PARVA: variants seen among roughly 807,000 people sequenced by gnomAD.
The protein encoded by PARVA is parvin alpha.
In PARVA, 25 loss-of-function variants were observed where a neutral mutation model predicts 52.6. That is an observed-to-expected ratio of 0.48 (90% CI 0.35 to 0.66). The LOEUF is 0.66. PARVA is among the 30% of genes least tolerant of loss of function. The probability of loss-of-function intolerance (pLI) is 0.01; values close to 1 mark genes in which losing one functional copy is unlikely to be tolerated. For missense variants in PARVA, 373 were observed against 450.9 expected (o/e 0.83, Z 1.56); for synonymous variants, 185 against 179.1 (o/e 1.03, Z -0.26).
rs538946411 is a variant in PARVA at position 12,423,518 on chromosome 11, A to G, written c.136+45735A>G. Among the ~76,000 whole-genome samples, 21 of 152,174 alleles carry G rather than the reference A, an allele frequency of 1.4e-4. No individual in the cohort carries two copies. In the South Asian group the frequency reaches 4.4e-3, roughly 32 times the overall value. ...TCACCTACCTCAGTCTTATAATACT[A>G]TTTAGTTTTTTAATCATGAATTTCT... On this transcript the variant is annotated intron_variant, in intron 1 of 12. Coordinates refer to ENST00000334956, the MANE Select transcript of PARVA (RefSeq NM_018222.5).
At chr11:12,509,111 T>C (rs1052559140) in intron 7 of PARVA, among the ~76,000 whole-genome samples, 12 of 150,388 alleles carry the variant, frequency 8.0e-5, no homozygotes, top group Non-Finnish European at 1.8e-4. Flanking sequence ...TTTTAGAAAT[T>C]GGGATATCAG....
At chr11:12,451,981 G>A (rs1297383263) in intron 1 of PARVA, among the ~76,000 whole-genome samples, 2 of 151,996 alleles carry the variant, frequency 1.3e-5, no homozygotes, top group African/African-American at 4.8e-5. Flanking sequence ...GGCTTTTAGG[G>A]GATCTGTGGA....
chr11:12,446,213 T>A (rs566041090), intron 1 of PARVA, among the ~76,000 whole-genome samples: 1 of 152,208 alleles, frequency 6.6e-6, no homozygotes, highest in Non-Finnish European at 1.5e-5. Flanking sequence ...CAAGACTTCA[T>A]TGGACAGATG....
intron 1 of PARVA, among the ~76,000 whole-genome samples, chr11:12,467,001 C>T (rs1469795590): frequency 6.6e-6 from 1 of 152,100 alleles, no homozygotes; most frequent in Non-Finnish European, 1.5e-5. Context: ...TTAAGTTTTC[C>T]AGTCCATGAA....
At chr11:12,377,850 G>T in intron 1 of PARVA, 67 bp downstream of exon 1, 3 of 1,272,010 alleles carry the variant, frequency 2.4e-6, no homozygotes, top group South Asian at 1.8e-5. Flanking sequence ...CGAGGGGCCG[G>T]GGCACTGGGA....
intron 1 of PARVA, among the ~76,000 whole-genome samples, chr11:12,399,281 G>C (rs1490189828): frequency 6.6e-6 from 1 of 152,154 alleles, no homozygotes; most frequent in Non-Finnish European, 1.5e-5. Flanking sequence ...TGAACATATG[G>C]AAATATAACA....
intron 4 of PARVA, among the ~76,000 whole-genome samples, chr11:12,481,293 T>C (rs996569441): frequency 6.6e-6 from 1 of 152,216 alleles, no homozygotes; most frequent in African/African-American, 2.4e-5. Context: ...TATATCACTA[T>C]GGACATATTT....
At chr11:12,497,548 G>A (rs935657145) in intron 5 of PARVA, among the ~76,000 whole-genome samples, 4 of 152,216 alleles carry the variant, frequency 2.6e-5, no homozygotes, top group Non-Finnish European at 5.9e-5. Context: ...ATCTGACGTT[G>A]GGGCTGAGAC....
chr11:12,463,332 G>A (rs1025935516), intron 1 of PARVA, among the ~76,000 whole-genome samples: 1 of 151,954 alleles, frequency 6.6e-6, no homozygotes, highest in Non-Finnish European at 1.5e-5. Context: ...TTGTCTTCAT[G>A]TCTCCTTAGG....
intron 1 of PARVA, among the ~76,000 whole-genome samples, chr11:12,389,524 A>G (rs1460894228): frequency 6.6e-6 from 1 of 152,172 alleles, no homozygotes; most frequent in Non-Finnish European, 1.5e-5. Flanking sequence ...ATGGGAGGTA[A>G]TTGCAAGACA....
intron 1 of PARVA, among the ~76,000 whole-genome samples, chr11:12,401,436 T>C (rs1390613785): frequency 2.0e-5 from 3 of 152,314 alleles, no homozygotes; most frequent in Admixed American, 2.0e-4. Context: ...TCAGAACTTT[T>C]TTTGCCAATG....
intron 1 of PARVA, among the ~76,000 whole-genome samples, chr11:12,393,056 A>G (rs1322109351): frequency 1.3e-5 from 2 of 151,416 alleles, no homozygotes; most frequent in Admixed American, 6.6e-5. Context: ...AAAAAAAAAA[A>G]AAAAAAAAAA....
chr11:12,467,539 G>A (rs972109986), intron 1 of PARVA, among the ~76,000 whole-genome samples: 3 of 152,174 alleles, frequency 2.0e-5, no homozygotes, highest in African/African-American at 7.2e-5. Flanking sequence ...TGTTGTAGAT[G>A]TTCTTTCAGA....
chr11:12,476,169 C>G (rs1453031774), intron 3 of PARVA, among the ~76,000 whole-genome samples: 1 of 152,100 alleles, frequency 6.6e-6, no homozygotes, highest in Non-Finnish European at 1.5e-5. Flanking sequence ...CACTCGGGCC[C>G]TGTTTGAGAG....
chr11:12,484,115 C>T (rs1941125139), intron 4 of PARVA, among the ~76,000 whole-genome samples: 1 of 152,234 alleles, frequency 6.6e-6, no homozygotes, highest in African/African-American at 2.4e-5. Flanking sequence ...CCATGGTCAC[C>T]TGGTTATATT....
intron 1 of PARVA, among the ~76,000 whole-genome samples, chr11:12,458,598 A>T (rs1223312005): frequency 6.6e-6 from 1 of 151,974 alleles, no homozygotes; most frequent in Non-Finnish European, 1.5e-5. Context: ...GTTTCCTGTG[A>T]TTTCTCTCCT....
intron 1 of PARVA, among the ~76,000 whole-genome samples, chr11:12,402,906 T>G (rs1255678623): frequency 6.6e-6 from 1 of 152,206 alleles, no homozygotes; most frequent in Non-Finnish European, 1.5e-5. Flanking sequence ...GTCTCAGAAA[T>G]CCAAATACAT....
chr11:12,519,111 T>A (rs915482535), intron 12 of PARVA, among the ~76,000 whole-genome samples: 1 of 152,228 alleles, frequency 6.6e-6, no homozygotes, highest in Non-Finnish European at 1.5e-5. Context: ...TTGGTACGGA[T>A]GATTGCTTTC....
At chr11:12,458,903 C>G (rs1330289372) in intron 1 of PARVA, among the ~76,000 whole-genome samples, 1 of 152,200 alleles carries the variant, frequency 6.6e-6, no homozygotes. Flanking sequence ...CAGTTACCCC[C>G]ACATGACCAG....
Sources: gnomAD v4.1 joint callset for allele counts (sites outside exome capture counted in the v4.1 genomes callset) on GRCh38, gnomAD v4.1.1 for gene constraint, MANE v1.5 for transcripts, NCBI Gene and HGNC (gene_info 2026-07-23, HGNC 2026-07-21) for gene names.